Variants in IPO11 observed in about 807,000 individuals in gnomAD.
The protein encoded by IPO11 is importin 11, also known as importin-11.
Under a neutral mutation model 143.2 loss-of-function variants are expected in IPO11, and 66 were observed. The ratio of observed to expected loss-of-function variants is 0.46; its 90% CI spans 0.38 to 0.57. The LOEUF is 0.57. IPO11 is among the 20% of genes least tolerant of loss of function. The probability of loss-of-function intolerance (pLI) is 0.00; values close to 1 mark genes in which losing one functional copy is unlikely to be tolerated. For synonymous variants in IPO11, 385 were observed against 377.8 expected (o/e 1.02, Z -0.22); for missense variants, 1,026 against 1,141.0 (o/e 0.90, Z 1.45).
At chr5:62,478,265 A>C (rs1746038697) in intron 9 of IPO11, among the ~76,000 whole-genome samples, 1 of 152,140 alleles carries the variant, frequency 6.6e-6, no homozygotes, top group Admixed American at 6.6e-5. Flanking sequence ...TTGTGGGCTC[A>C]AGTGATCCTT....
intron 24 of IPO11, among the ~76,000 whole-genome samples, chr5:62,548,992 A>G (rs1482311679): frequency 6.6e-6 from 1 of 152,114 alleles, no homozygotes; most frequent in African/African-American, 2.4e-5. Context: ...CTCACAGATA[A>G]ATACTGTCTG....
intron 29 of IPO11, among the ~76,000 whole-genome samples, chr5:62,625,611 C>A (rs1024145859): frequency 4.6e-5 from 7 of 152,168 alleles, no homozygotes; most frequent in African/African-American, 1.7e-4. Flanking sequence ...AAGCCAAGAG[C>A]ATATGGAAGT....
At chr5:62,549,306 G>A (rs1743316897) in intron 24 of IPO11, among the ~76,000 whole-genome samples, 1 of 152,030 alleles carries the variant, frequency 6.6e-6, no homozygotes, top group African/African-American at 2.4e-5. Context: ...AATTAGAGCA[G>A]CAACAAATGT....
chr5:62,597,623 A>G (rs1190962482), intron 28 of IPO11, among the ~76,000 whole-genome samples: 1 of 152,190 alleles, frequency 6.6e-6, no homozygotes, highest in Non-Finnish European at 1.5e-5. Context: ...CTACACTTCC[A>G]GTTAGGTTAC....
At chr5:62,555,778 C>T (rs1388129735) in intron 26 of IPO11, among the ~76,000 whole-genome samples, 1 of 151,940 alleles carries the variant, frequency 6.6e-6, no homozygotes, top group Non-Finnish European at 1.5e-5. Flanking sequence ...GTTGGGGTTA[C>T]AGGCATGAGC....
In IPO11 at chr5:62,424,536, T is replaced by C. The variant is rs143482171; in HGVS notation, c.-7+11607T>C. On this transcript the variant is annotated intron_variant, in intron 1 of 29. Coordinates refer to ENST00000325324, the MANE Select transcript of IPO11 (RefSeq NM_016338.5). Reference sequence around the variant, plus strand: ...CAACCTCTGCCTCTGCCACCTCAGCTTCTTGAGTAGCTGGGACCATAGGTG... The same window carrying C: ...CAACCTCTGCCTCTGCCACCTCAGCCTCTTGAGTAGCTGGGACCATAGGTG... 4.4e-3 allele frequency among the ~76,000 whole-genome samples: 668 copies of C among 150,766 alleles called. 8 individuals carry two copies. Among genetic ancestry groups the C allele is most frequent in the African/African-American group, 0.016 (644 of 41,130 alleles).
chr5:62,530,732 C>G lies in IPO11; in HGVS notation c.2036C>G (p.Pro679Arg). The change falls in exon 22 of 30, where the codon CCA becomes CGA. Residue 679 changes from proline (P) to arginine (R), a missense_variant. Around this residue, in one of 5 missense-constraint regions of IPO11, gnomAD observed 351 missense variants for 358.9 expected, o/e 0.98. Coordinates refer to ENST00000325324, the MANE Select transcript of IPO11 (RefSeq NM_016338.5). ...AGGTTAGTAACTTTGGAAAACAGTCCATGTATTACACCAGAGTTGCTTCGT... is the reference window on the plus strand; with the variant it reads ...AGGTTAGTAACTTTGGAAAACAGTCGATGTATTACACCAGAGTTGCTTCGT... ...ELWLVTLENS[P>R]CITPELLRIF... is the part of the protein sequence containing the mutation. The G allele has an allele frequency of 6.2e-7, 1 of 1,612,324 alleles. No homozygotes were observed.
intron 1 of IPO11, among the ~76,000 whole-genome samples, chr5:62,421,772 A>T (rs140175011): frequency 4.6e-5 from 7 of 152,362 alleles, no homozygotes; most frequent in Admixed American, 3.9e-4. Context: ...TAGAATAGTG[A>T]TTAACTGTGG....
At chr5:62,622,435 A>G (rs1254540819) in intron 29 of IPO11, among the ~76,000 whole-genome samples, 1 of 152,192 alleles carries the variant, frequency 6.6e-6, no homozygotes, top group Non-Finnish European at 1.5e-5. Flanking sequence ...GAAATTATAT[A>G]TGTGAATGGC....
intron 28 of IPO11, 39 bp from the exon 29 acceptor site, chr5:62,601,725 A>G (rs757727344): frequency 1.8e-6 from 2 of 1,141,746 alleles, no homozygotes; most frequent in South Asian, 1.7e-5. Flanking sequence ...TATTATAGAC[A>G]TTTTTATTTA....
At chr5:62,612,955 G>A (rs1745981026) in intron 29 of IPO11, among the ~76,000 whole-genome samples, 1 of 152,212 alleles carries the variant, frequency 6.6e-6, no homozygotes, top group Non-Finnish European at 1.5e-5. Flanking sequence ...TGGGCTGAAG[G>A]ATATGTGTTT....
intron 27 of IPO11, among the ~76,000 whole-genome samples, chr5:62,565,179 G>A (rs1004049277): frequency 3.3e-5 from 5 of 152,160 alleles, no homozygotes; most frequent in African/African-American, 9.6e-5. Flanking sequence ...TAAGAAAATG[G>A]ACCTAAAGAA....
intron 29 of IPO11, among the ~76,000 whole-genome samples, chr5:62,613,978 G>T (rs755601729): frequency 6.6e-6 from 1 of 152,124 alleles, no homozygotes; most frequent in East Asian, 1.9e-4. Flanking sequence ...ATTAATTTTT[G>T]CATGAACCCT....
chr5:62,468,828 G>T (rs1745656629), intron 6 of IPO11, among the ~76,000 whole-genome samples: 1 of 152,088 alleles, frequency 6.6e-6, no homozygotes, highest in East Asian at 1.9e-4. Flanking sequence ...ATTTTGTTCT[G>T]TAACTATACA....
chr5:62,443,134 A>G lies in IPO11; in HGVS notation c.239+51A>G, dbSNP rs562447475. 62 of 1,170,880 alleles carry G rather than the reference A, an allele frequency of 5.3e-5. No individual in the cohort carries two copies. The East Asian group carries it at 1.5e-3, about 28-fold the overall frequency. 72.5% of individuals were successfully genotyped at this position (1,170,880 alleles called of 1,614,324 possible). A position where few individuals can be genotyped will look rare whatever the true frequency, so the allele number is the denominator to read the frequency against. ...CTTGAGTATAATCCTTCCCAAATTCAGGAAGGTGTAAGAATACTTGTTTAT... is the reference window on the plus strand; with the variant it reads ...CTTGAGTATAATCCTTCCCAAATTCGGGAAGGTGTAAGAATACTTGTTTAT... On this transcript the variant is annotated intron_variant, in intron 3 of 29. Transcript: ENST00000325324.
chr5:62,541,461 C>A lies in IPO11; in HGVS notation c.2250+4172C>A, dbSNP rs555122034. Among the ~76,000 whole-genome samples, 11 of 152,040 alleles carry A rather than the reference C, an allele frequency of 7.2e-5. No individual in the cohort carries two copies. The South Asian group carries it at 1.7e-3, about 23-fold the overall frequency. ...TTGGGAGGCTGAGGCAGGCGGATCA[C>A]TTGATCTCAGGAGTTTGAGACTAGC... On this transcript the variant is annotated intron_variant, in intron 24 of 29. Coordinates refer to ENST00000325324, the MANE Select transcript of IPO11 (RefSeq NM_016338.5).
At chr5:62,623,140 TAGTC>T (rs1746433651) in intron 29 of IPO11, among the ~76,000 whole-genome samples, 1 of 152,198 alleles carries the variant, frequency 6.6e-6, no homozygotes, top group African/African-American at 2.4e-5. Context: ...GCAAAACAAT[TAGTC>T]AGAAAAGAAG....
At chr5:62,428,617 C>T (rs927362933) in intron 1 of IPO11, among the ~76,000 whole-genome samples, 6 of 152,092 alleles carry the variant, frequency 3.9e-5, no homozygotes, top group African/African-American at 1.4e-4. Context: ...GCTGGGATTA[C>T]AAGCGTGAGC....
At chr5:62,552,891 C>T (rs1743436170) in intron 26 of IPO11, among the ~76,000 whole-genome samples, 1 of 152,120 alleles carries the variant, frequency 6.6e-6, no homozygotes, top group Non-Finnish European at 1.5e-5. Context: ...ATACATACAG[C>T]ATATAGTGAT....
Sources: gnomAD v4.1 joint callset for allele counts (sites outside exome capture counted in the v4.1 genomes callset) on GRCh38, gnomAD v4.1.1 for gene constraint, gnomAD v4.1.1 regional missense constraint, MANE v1.5 for transcripts, NCBI Gene and HGNC (gene_info 2026-07-23, HGNC 2026-07-21) for gene names.